COL9A2: variants seen among roughly 807,000 people sequenced by gnomAD.
The protein encoded by COL9A2 is collagen alpha-2(IX) chain.
In COL9A2, 66 loss-of-function variants were observed where a neutral mutation model predicts 111.6. The observed-to-expected ratio is 0.59, with a 90% CI of 0.48 to 0.73. The LOEUF is 0.73. Ranked by LOEUF, COL9A2 falls within the 30% of genes least tolerant of loss-of-function variation. COL9A2 has a pLI of 0.00. For missense variants in COL9A2, 881 were observed against 954.1 expected (o/e 0.92, Z 1.01); for synonymous variants, 353 against 364.1 (o/e 0.97, Z 0.35).
At position 40,303,064 on chromosome 1, in the gene COL9A2, T is replaced by C; in HGVS notation, c.1603+67A>G. The C allele has an allele frequency of 1.3e-6, 2 of 1,511,702 alleles. No homozygotes were observed. Among genetic ancestry groups the C allele is most frequent in the Non-Finnish European group, 1.8e-6 (2 of 1,103,470 alleles). 93.6% of individuals were successfully genotyped at this position (1,511,702 alleles called of 1,614,324 possible). A position where few individuals can be genotyped will look rare whatever the true frequency, so the allele number is the denominator to read the frequency against. On this transcript the variant is annotated intron_variant, in intron 29 of 31. Transcript: ENST00000372748. The surrounding 1 kb of genome is among the most constrained non-coding windows in gnomAD (Gnocchi z 4.6). ...TTCAGACAAGTGAACACGTGGAGGC[T>C]CCGGGAGGGGGTGAGGGGGCGGCGA...
At chr1:40,304,234 G>A (rs1168764527) in intron 24 of COL9A2, 86 bp downstream of exon 24, 3 of 1,526,616 alleles carry the variant, frequency 2.0e-6, no homozygotes, top group Middle Eastern at 2.0e-4. Flanking sequence ...CAGGTTTGGA[G>A]GCTCCGGAAG....
chr1:40,301,447 G>A, intron 31 of COL9A2, 66 bp from the exon 32 acceptor site: 1 of 1,445,422 alleles, frequency 6.9e-7, no homozygotes, highest in Non-Finnish European at 9.4e-7. Context: ...TTTTGAAGGT[G>A]GGGAAACTTT....
Position 40,312,135 on chromosome 1 carries a change from T to C in COL9A2, c.364-23A>G, listed in dbSNP as rs1009107137. The C allele has an allele frequency of 6.3e-7, 1 of 1,588,282 alleles. No homozygotes were observed. Among genetic ancestry groups the C allele is most frequent in the Non-Finnish European group, 8.6e-7 (1 of 1,167,182 alleles). On this transcript the variant is annotated intron_variant, in intron 7 of 31. Coordinates refer to ENST00000372748, the MANE Select transcript of COL9A2 (RefSeq NM_001852.4). This position sits in a 1 kb window ranked among gnomAD's most constrained non-coding sequence, Gnocchi z 6.0. Reference sequence around the variant, plus strand: ...CCCCTGGGGAGCAGAGAGTTGATGGTCAGGATGCCTCAGAGGGTCAGATAC... The same window carrying C: ...CCCCTGGGGAGCAGAGAGTTGATGGCCAGGATGCCTCAGAGGGTCAGATAC...
At position 40,312,170 on chromosome 1, in the gene COL9A2, A is replaced by G. The variant is rs209918; in HGVS notation, c.364-58T>C. On this transcript the variant is annotated intron_variant, in intron 7 of 31. Transcript: ENST00000372748. The surrounding 1 kb of genome is among the most constrained non-coding windows in gnomAD (Gnocchi z 6.0). ...TCAGAGGGTCAGATACCCTGGGCAC[A>G]AAGGTAGAGACAGGCACCCAAAGCC... 377,315 of 1,468,374 alleles carry G rather than the reference A, an allele frequency of 0.26. 56,950 individuals are homozygous for G. The highest frequency in any genetic ancestry group is 0.72 in the East Asian group (30,945 of 42,916). 91.0% of individuals were successfully genotyped at this position (1,468,374 alleles called of 1,614,324 possible).
intron 2 of COL9A2, 174 bp downstream of exon 2, chr1:40,315,416 T>G: frequency 1.4e-6 from 2 of 1,428,362 alleles, no homozygotes; most frequent in South Asian, 3.1e-5. Context: ...AGGGCTGGTT[T>G]GAGGTTTTTG....
Position 40,302,765 on chromosome 1 carries a change from C to A in COL9A2, c.1648G>T (p.Gly550Cys). The change falls in exon 30 of 32, where the codon GGT becomes TGT. Residue 550 changes from glycine to cysteine, a missense_variant. Transcript: ENST00000372748. The surrounding 1 kb of genome is among the most constrained non-coding windows in gnomAD (Gnocchi z 4.5). ...GGAGGACCCATCATGCCCACCGCAC[C>A]CAGGGCTTCCCGCTTGGCACTCACG... Reference protein sequence around the residue: ...VAVSAKREALGAVGMMGPPGP... With the variant: ...VAVSAKREALCAVGMMGPPGP... The A allele has an allele frequency of 6.4e-7, 1 of 1,554,724 alleles. No individual in the cohort carries two copies. The highest frequency in any genetic ancestry group is 1.9e-5 in the Admixed American group (1 of 53,016).
Position 40,307,780 on chromosome 1 carries a change from G to C in COL9A2, c.901-24C>G. 2.5e-6 allele frequency: 4 copies of C among 1,613,670 alleles called. No individual in the cohort carries two copies. Among genetic ancestry groups the C allele is most frequent in the Non-Finnish European group, 3.4e-6 (4 of 1,179,624 alleles). On this transcript the variant is annotated intron_variant, in intron 17 of 31. Coordinates refer to ENST00000372748, the MANE Select transcript of COL9A2 (RefSeq NM_001852.4). This position sits in a 1 kb window ranked among gnomAD's most constrained non-coding sequence, Gnocchi z 4.8. ...CCCTACCCAGGAGGAAAGTTCAAGG[G>C]AGAGTGATAATGCGGAGATGTCTGG...
chr1:40,303,792 G>T lies in COL9A2; in HGVS notation c.1401+15C>A. The T allele has an allele frequency of 6.4e-7, 1 of 1,563,676 alleles. No individual in the cohort carries two copies. Among genetic ancestry groups the T allele is most frequent in the African/African-American group, 1.3e-5 (1 of 74,136 alleles). On this transcript the variant is annotated intron_variant, in intron 27 of 31. Coordinates refer to ENST00000372748, the MANE Select transcript of COL9A2 (RefSeq NM_001852.4). The surrounding 1 kb of genome is among the most constrained non-coding windows in gnomAD (Gnocchi z 4.6). ...GCCCAGGAAAGTCGGAGAACGCCGG[G>T]AGGGGAGGACTCACCTGTCCCTTGG...
chr1:40,306,200 G>A lies in COL9A2; in HGVS notation c.1009-13C>T. The A allele has an allele frequency of 6.2e-7, 1 of 1,614,210 alleles. No homozygotes were observed. The highest frequency in any genetic ancestry group is 8.5e-7 in the Non-Finnish European group (1 of 1,180,032). ...GGCCTGGCACACCCTGCAGAAAGAA[G>A]TTGAAGTCAGTTTCTGCCCTGGCAT... On this transcript the variant is annotated splice_polypyrimidine_tract_variant and intron_variant, in intron 19 of 31. Coordinates refer to ENST00000372748, the MANE Select transcript of COL9A2 (RefSeq NM_001852.4).
chr1:40,315,969 G>T, intron 1 of COL9A2: 3 of 327,190 alleles, frequency 9.2e-6, no homozygotes, highest in South Asian at 1.6e-4. Flanking sequence ...GTCCGCCCTG[G>T]ATCTGCCCGA....
chr1:40,312,915 A>G lies in COL9A2; in HGVS notation c.250-131T>C. The G allele has an allele frequency of 1.4e-6, 1 of 718,836 alleles. No individual in the cohort carries two copies. Among genetic ancestry groups the G allele is most frequent in the Non-Finnish European group, 2.5e-6 (1 of 406,190 alleles). The allele number at this position is 718,836 out of a possible 1,614,324, so 44.5% of individuals were successfully genotyped here. ...TGCCACACCTCATGAAGGCCTAGGA[A>G]CCTCCACACCTTTCTTTCCTTTTCC... On this transcript the variant is annotated intron_variant, in intron 4 of 31. Coordinates refer to ENST00000372748, the MANE Select transcript of COL9A2 (RefSeq NM_001852.4). The surrounding 1 kb of genome is among the most constrained non-coding windows in gnomAD (Gnocchi z 6.0).
At chr1:40,308,304 CAG>C (rs755315310) in intron 16 of COL9A2, 59 bp from the exon 17 acceptor site, 6 of 1,554,022 alleles carry the variant, frequency 3.9e-6, no homozygotes, top group African/African-American at 1.4e-5. Flanking sequence ...TCTGGCTGTG[CAG>C]AGAGGGGAAC....
chr1:40,311,492 T>C lies in COL9A2; in HGVS notation c.519+8A>G, dbSNP rs1262360649. The C allele has an allele frequency of 6.3e-7, 1 of 1,575,096 alleles. No individual in the cohort carries two copies. Among genetic ancestry groups the C allele is most frequent in the Non-Finnish European group, 8.7e-7 (1 of 1,155,816 alleles). On this transcript the variant is annotated splice_region_variant and intron_variant, in intron 10 of 31. Transcript: ENST00000372748. This position sits in a 1 kb window ranked among gnomAD's most constrained non-coding sequence, Gnocchi z 5.1. ...TGTGTTAGCCCCGCCCCAGACCTCGTCTCTCACCAGGAAATCCGCACTGCC... is the reference window on the plus strand; with the variant it reads ...TGTGTTAGCCCCGCCCCAGACCTCGCCTCTCACCAGGAAATCCGCACTGCC...
Position 40,310,254 on chromosome 1 carries a change from A to G in COL9A2, c.738+10T>C, listed in dbSNP as rs56326652. 86,067 of 1,613,950 alleles carry G rather than the reference A, an allele frequency of 0.053. 2,581 individuals are homozygous for G. Among genetic ancestry groups the G allele is most frequent in the Non-Finnish European group, 0.061 (72,340 of 1,179,868 alleles). ...GGAAGCTCTTGTAGAACACCCCAAG[A>G]TTCACTTACCGTCTCTCCCTTGGGC... On this transcript the variant is annotated intron_variant, in intron 14 of 31. Transcript: ENST00000372748. The surrounding 1 kb of genome is among the most constrained non-coding windows in gnomAD (Gnocchi z 4.9).
rs2124074415 is a variant in COL9A2 at position 40,308,178 on chromosome 1, C to G, written c.900+14G>C. 1 of 1,613,930 alleles carries G rather than the reference C, an allele frequency of 6.2e-7. No individual in the cohort carries two copies. Among genetic ancestry groups the G allele is most frequent in the Non-Finnish European group, 8.5e-7 (1 of 1,179,826 alleles). ...TGGCCTCTGTCCTGGTGGGCCTAGG[C>G]CTCTGGCACCTACCGTTGCTCCTTT... is the stretch of plus-strand genomic sequence containing the variant. On this transcript the variant is annotated intron_variant, in intron 17 of 31. Transcript: ENST00000372748.
chr1:40,304,145 C>A, intron 24 of COL9A2, 46 bp from the exon 25 acceptor site: 1 of 1,526,002 alleles, frequency 6.6e-7, no homozygotes, highest in Non-Finnish European at 8.8e-7. Flanking sequence ...CCCCCCTCCA[C>A]GGGGTCCCCC....
In COL9A2 at chr1:40,305,069, T is replaced by C. The variant is rs891722037; in HGVS notation, c.1108-222A>G. 230 of 418,962 alleles carry C rather than the reference T, an allele frequency of 5.5e-4. 1 individual carries two copies. Among genetic ancestry groups the C allele is most frequent in the African/African-American group, 4.5e-3 (203 of 45,354 alleles). 26.0% of individuals were successfully genotyped at this position (418,962 alleles called of 1,614,324 possible). ...TGATCATTTCTTTCTTTCTTTTTTT[T>C]TTTTTTTTTTTTTTTTGAGAGGGAG... On this transcript the variant is annotated intron_variant, in intron 21 of 31. Coordinates refer to ENST00000372748, the MANE Select transcript of COL9A2 (RefSeq NM_001852.4).
rs1643954709 is a variant in COL9A2, at chr1:40,303,680, C to A, written c.1402-4G>T. 3.1e-6 allele frequency: 4 copies of A among 1,307,712 alleles called. No homozygotes were observed. The highest frequency in any genetic ancestry group is 4.0e-6 in the Non-Finnish European group (4 of 998,582). 81.0% of individuals were successfully genotyped at this position (1,307,712 alleles called of 1,614,324 possible). On this transcript the variant is annotated splice_polypyrimidine_tract_variant and splice_region_variant and intron_variant, in intron 27 of 31. Transcript: ENST00000372748. This position sits in a 1 kb window ranked among gnomAD's most constrained non-coding sequence, Gnocchi z 4.6. Reference sequence around the variant, plus strand: ...CGGGTTCTCCACGTACTCCTTGCTGCGGGGGGATGGGGGTGGGAGCAGAGC... The same window carrying A: ...CGGGTTCTCCACGTACTCCTTGCTGAGGGGGGATGGGGGTGGGAGCAGAGC...
At position 40,302,826 on chromosome 1, in the gene COL9A2, AGG is replaced by A. The variant is rs1553182387; in HGVS notation, c.1604-19_1604-18del. On this transcript the variant is annotated intron_variant, in intron 29 of 31. Coordinates refer to ENST00000372748, the MANE Select transcript of COL9A2 (RefSeq NM_001852.4). This position sits in a 1 kb window ranked among gnomAD's most constrained non-coding sequence, Gnocchi z 4.5. Reference sequence around the variant, plus strand: ...CCAGTTGCTCTGGAGGGAGGGAGGGAGGGAGGGAGAGGGAAGTCTATGAGATG... The same window carrying A: ...CCAGTTGCTCTGGAGGGAGGGAGGGAGAGGGAGAGGGAAGTCTATGAGATG... The A allele has an allele frequency of 2.5e-5, 12 of 477,128 alleles. No individual in the cohort carries two copies. The highest frequency in any genetic ancestry group is 4.6e-5 in the Non-Finnish European group (11 of 240,356). 29.6% of individuals were successfully genotyped at this position (477,128 alleles called of 1,614,324 possible). A position where few individuals can be genotyped will look rare whatever the true frequency, so the allele number is the denominator to read the frequency against.
Sources: gnomAD v4.1 joint callset for allele counts on GRCh38, gnomAD v4.1.1 for gene constraint, Gnocchi (gnomAD v3.1) non-coding constraint, MANE v1.5 for transcripts, NCBI Gene and HGNC (gene_info 2026-07-23, HGNC 2026-07-21) for gene names.